The following SPOCK1 variants were observed in gnomAD, a reference collection of about 807,000 sequenced individuals.
The protein encoded by SPOCK1 is SPARC (osteonectin), cwcv and kazal like domains proteoglycan 1, also known as testican-1.
SPOCK1 carries 23 observed loss-of-function variants against 55.3 expected under a neutral mutation model. The observed-to-expected ratio is 0.42, with a 90% CI of 0.30 to 0.59. The LOEUF is 0.59. Ranked by LOEUF, SPOCK1 falls within the 20% of genes least tolerant of loss-of-function variation. The pLI, the probability that SPOCK1 is intolerant of heterozygous loss-of-function variation, is 0.22. For missense variants in SPOCK1, 499 were observed against 552.5 expected, an observed-to-expected ratio of 0.90 and a Z score of 0.97; for synonymous variants, 226 against 221.0, an observed-to-expected ratio of 1.02 and a Z score of -0.20.
At chr5:137,226,410 G>A (rs1755948385) in intron 3 of SPOCK1, among the ~76,000 whole-genome samples, 1 of 152,190 alleles carries the variant, frequency 6.6e-6, no homozygotes. Context: ...ATGCTGCAAA[G>A]GCATCCACAT....
At chr5:137,279,329 G>A (rs959088853) in intron 2 of SPOCK1, among the ~76,000 whole-genome samples, 1 of 152,166 alleles carries the variant, frequency 6.6e-6, no homozygotes, top group Non-Finnish European at 1.5e-5. Context: ...ACATGACCTG[G>A]TAACTATCAC....
At chr5:137,234,887 C>T (rs1426970750) in intron 3 of SPOCK1, among the ~76,000 whole-genome samples, 1 of 152,200 alleles carries the variant, frequency 6.6e-6, no homozygotes, top group East Asian at 1.9e-4. Context: ...AACATTCTTC[C>T]AATAAAAATT....
chr5:137,243,028 A>T (rs1200319695), intron 3 of SPOCK1, among the ~76,000 whole-genome samples: 1 of 152,164 alleles, frequency 6.6e-6, no homozygotes, highest in Admixed American at 6.5e-5. Context: ...TCATTCCTGA[A>T]CCAACTGAAT....
intron 3 of SPOCK1, among the ~76,000 whole-genome samples, chr5:137,194,085 T>C (rs1170050344): frequency 2.6e-5 from 4 of 152,008 alleles, no homozygotes; most frequent in Non-Finnish European, 5.9e-5. Context: ...TAAGAAAAAA[T>C]ATTGCACACC....
intron 2 of SPOCK1, among the ~76,000 whole-genome samples, chr5:137,311,658 GATAA>G (rs1486497079): frequency 2.0e-5 from 3 of 151,960 alleles, no homozygotes; most frequent in Non-Finnish European, 2.9e-5. Flanking sequence ...TTCTCCTTTT[GATAA>G]ATATCATGTA....
In SPOCK1 at chr5:137,140,693, G is replaced by A; in HGVS notation, c.234C>T (p.Ala78=). 3 of 1,588,502 alleles carry A rather than the reference G, an allele frequency of 1.9e-6. No individual in the cohort carries two copies. The highest frequency in any genetic ancestry group is 2.6e-6 in the Non-Finnish European group (3 of 1,168,972). The change falls in exon 4 of 11, where the codon GCC becomes GCT. Residue 78 remains alanine, a splice_region_variant and synonymous_variant. Coordinates refer to ENST00000394945, the MANE Select transcript of SPOCK1 (RefSeq NM_004598.4). ...GGCAGGGGTCCTTGGATGGGTCCAG[G>A]GCTGAGGCAAAAACAAGAAGGAGGG... is the stretch of plus-strand genomic sequence containing the variant. ...NWNPNKPFDQ[A]LDPSKDPCLK... is the part of the protein sequence containing the mutation.
chr5:137,189,356 C>T (rs1755134118), intron 3 of SPOCK1, among the ~76,000 whole-genome samples: 1 of 152,222 alleles, frequency 6.6e-6, no homozygotes, highest in African/African-American at 2.4e-5. Context: ...GGAGCCAATG[C>T]AGCTGGTAAC....
chr5:136,977,443 A>G lies in SPOCK1; in HGVS notation c.*1211T>C, dbSNP rs1561568014. The G allele has an allele frequency of 5.5e-6, 1 of 183,272 alleles. No homozygotes were observed. Among genetic ancestry groups the G allele is most frequent in the Non-Finnish European group, 1.1e-5 (1 of 88,814 alleles). The allele number at this position is 183,272 out of a possible 1,614,324, so 11.4% of individuals were successfully genotyped here. ...AGTGGTTAAAAAAAAAAATCTGTAC[A>G]GCTTTTGTGCCCTTATCATGATTTG... On this transcript the variant is annotated 3_prime_UTR_variant, in exon 11 of 11. Transcript: ENST00000394945.
intron 3 of SPOCK1, among the ~76,000 whole-genome samples, chr5:137,208,725 G>A (rs1177826161): frequency 1.3e-5 from 2 of 152,126 alleles, no homozygotes; most frequent in African/African-American, 4.8e-5. Flanking sequence ...GGGAGGAAAT[G>A]GGGCAAGGAC....
chr5:137,452,956 C>CT (rs1294574013), intron 2 of SPOCK1, among the ~76,000 whole-genome samples: 21 of 152,174 alleles, frequency 1.4e-4, no homozygotes, highest in Admixed American at 8.5e-4. Context: ...TTCTAGGGCA[C>CT]TAGCACCCTA....
intron 5 of SPOCK1, among the ~76,000 whole-genome samples, chr5:137,071,457 A>G (rs536532868): frequency 6.6e-6 from 1 of 152,332 alleles, no homozygotes; most frequent in Admixed American, 6.5e-5. Flanking sequence ...ACAGGAGCCC[A>G]AGGGAAGCGT....
chr5:137,031,528 G>A (rs976652990), intron 6 of SPOCK1, among the ~76,000 whole-genome samples: 2 of 152,192 alleles, frequency 1.3e-5, no homozygotes, highest in South Asian at 4.1e-4. Context: ...GATGAGTTTT[G>A]TAAGTGTTTT....
intron 2 of SPOCK1, among the ~76,000 whole-genome samples, chr5:137,363,077 G>A (rs1040029786): frequency 1.3e-5 from 2 of 152,160 alleles, no homozygotes; most frequent in South Asian, 2.1e-4. Flanking sequence ...ACATGAACAC[G>A]TACGGAGCAC....
At chr5:137,269,804 G>A (rs964107701) in intron 2 of SPOCK1, among the ~76,000 whole-genome samples, 3 of 152,070 alleles carry the variant, frequency 2.0e-5, no homozygotes, top group African/African-American at 7.2e-5. Context: ...AACGATTGGG[G>A]TGCTCAAAGG....
At chr5:137,432,305 C>G (rs1752764522) in intron 2 of SPOCK1, among the ~76,000 whole-genome samples, 1 of 152,144 alleles carries the variant, frequency 6.6e-6, no homozygotes, top group African/African-American at 2.4e-5. Context: ...ATCTGTATAC[C>G]CATGCTCATG....
chr5:137,432,352 C>A (rs1355204984), intron 2 of SPOCK1, among the ~76,000 whole-genome samples: 1 of 152,142 alleles, frequency 6.6e-6, no homozygotes, highest in African/African-American at 2.4e-5. Flanking sequence ...GTAGAAACAA[C>A]CCAAGTGTCC....
chr5:137,056,238 C>T (rs1037061043), intron 6 of SPOCK1, among the ~76,000 whole-genome samples: 30 of 151,968 alleles, frequency 2.0e-4, no homozygotes, highest in Non-Finnish European at 2.2e-4. Context: ...GGTGAGGGGA[C>T]GCTGTTGCAG....
chr5:137,052,446 A>C (rs1752223982), intron 6 of SPOCK1, among the ~76,000 whole-genome samples: 1 of 152,344 alleles, frequency 6.6e-6, no homozygotes, highest in Non-Finnish European at 1.5e-5. Flanking sequence ...CACTTGTGGC[A>C]CATCTTTTCT....
chr5:137,075,919 G>A (rs772100565), intron 5 of SPOCK1, among the ~76,000 whole-genome samples: 11 of 152,216 alleles, frequency 7.2e-5, no homozygotes, highest in Non-Finnish European at 1.5e-5. Flanking sequence ...GTTAGGACTG[G>A]ACACTATTTT....
Sources: allele counts gnomAD v4.1 joint callset (sites outside exome capture counted in the v4.1 genomes callset), GRCh38; gene constraint gnomAD v4.1.1; transcripts MANE v1.5; gene names NCBI Gene and HGNC (gene_info 2026-07-23, HGNC 2026-07-21).